The following ZMYM4 variants were observed in gnomAD, a reference collection of about 807,000 sequenced individuals.
ZMYM4 encodes the protein zinc finger MYM-type protein 4.
A neutral mutation model predicts 183.2 loss-of-function variants in ZMYM4; 31 were observed. The observed-to-expected ratio is 0.17, with a 90% CI of 0.13 to 0.23. The LOEUF (loss-of-function observed/expected upper bound fraction) is 0.23, where lower values mean the gene tolerates loss of function less well. Among genes scored for constraint, ZMYM4 ranks in the 10% least tolerant of loss-of-function variants. ZMYM4 has a pLI of 1.00. For synonymous variants in ZMYM4, 592 were observed against 631.2 expected (o/e 0.94, Z 0.93); for missense variants, 1,273 against 1,840.3 (o/e 0.69, Z 5.64).
intron 1 of ZMYM4, among the ~76,000 whole-genome samples, chr1:35,269,927 GAAGT>G (rs1273458767): frequency 6.6e-6 from 1 of 152,174 alleles, no homozygotes; most frequent in Admixed American, 6.5e-5. Flanking sequence ...AGCATGATAA[GAAGT>G]AAGTTTCCTT....
chr1:35,365,527 G>A (rs1644055097), intron 5 of ZMYM4, among the ~76,000 whole-genome samples: 1 of 152,034 alleles, frequency 6.6e-6, no homozygotes, highest in Non-Finnish European at 1.5e-5. Flanking sequence ...TGAACTAATT[G>A]TCATAATAGT....
intron 1 of ZMYM4, among the ~76,000 whole-genome samples, chr1:35,308,728 G>T (rs1044073914): frequency 6.6e-6 from 1 of 152,100 alleles, no homozygotes; most frequent in Admixed American, 6.6e-5. Context: ...GGGCATGGTG[G>T]CGCATGCCTG....
At chr1:35,409,558 C>G (rs1436140143) in intron 26 of ZMYM4, among the ~76,000 whole-genome samples, 3 of 151,640 alleles carry the variant, frequency 2.0e-5, no homozygotes, top group African/African-American at 7.3e-5. Flanking sequence ...ACTTTTTGAC[C>G]ATGTGTATAC....
Position 35,358,977 on chromosome 1 carries a change from T to G in ZMYM4, c.138T>G (p.Thr46=), listed in dbSNP as rs746887184. The G allele has an allele frequency of 6.2e-7, 1 of 1,613,724 alleles. No homozygotes were observed. Among genetic ancestry groups the G allele is most frequent in the Non-Finnish European group, 8.5e-7 (1 of 1,179,714 alleles). ...EMSEDIDHNL[T]PTLDSMSYGM... is the part of the protein sequence containing the mutation. ...CTGAAGATATAGACCACAACTTAAC[T>G]CCTACCCTTGACAGCATGTCTTATG... The change falls in exon 3 of 30, where the codon ACT becomes ACG. Residue 46 remains threonine, a synonymous_variant. Transcript: ENST00000314607.
chr1:35,366,271 A>AT (rs2148923935), intron 5 of ZMYM4, among the ~76,000 whole-genome samples: 1 of 152,252 alleles, frequency 6.6e-6, no homozygotes, highest in Non-Finnish European at 1.5e-5. Flanking sequence ...CTTAGAATAG[A>AT]TTTTTTCTTG....
At chr1:35,316,068 G>A (rs1642033453) in intron 1 of ZMYM4, among the ~76,000 whole-genome samples, 2 of 152,240 alleles carry the variant, frequency 1.3e-5, no homozygotes, top group South Asian at 4.2e-4. Context: ...CAAGTTTTTA[G>A]TTTATGCCTA....
chr1:35,314,798 G>T (rs1220994485), intron 1 of ZMYM4, among the ~76,000 whole-genome samples: 1 of 148,936 alleles, frequency 6.7e-6, no homozygotes, highest in Non-Finnish European at 1.5e-5. Flanking sequence ...GCTGAGGCGG[G>T]CGTATCACCT....
chr1:35,405,565 A>G (rs1361242367), intron 25 of ZMYM4, 97 bp downstream of exon 25: 2 of 987,724 alleles, frequency 2.0e-6, no homozygotes, highest in African/African-American at 1.7e-5. Flanking sequence ...TAAAATTTAG[A>G]GTATTAAGGT....
chr1:35,406,707 G>C (rs1035898270), intron 25 of ZMYM4, among the ~76,000 whole-genome samples: 1 of 152,126 alleles, frequency 6.6e-6, no homozygotes, highest in Non-Finnish European at 1.5e-5. Flanking sequence ...CTAGGTACTA[G>C]GGTGAAAAAG....
At chr1:35,398,769 C>A in intron 21 of ZMYM4, 95 bp from the exon 22 acceptor site, 1 of 1,283,778 alleles carries the variant, frequency 7.8e-7, no homozygotes, top group Non-Finnish European at 1.1e-6. Context: ...AACCGTATCT[C>A]ATTTTTTGGT....
intron 1 of ZMYM4, among the ~76,000 whole-genome samples, chr1:35,320,839 T>C (rs557192612): frequency 6.6e-6 from 1 of 152,340 alleles, no homozygotes; most frequent in South Asian, 2.1e-4. Flanking sequence ...AATCTTTTGT[T>C]TGTTTTTTTC....
rs553063983 is a variant in ZMYM4, at chr1:35,392,091, A to T, written c.2588-121A>T. 1.0e-5 allele frequency: 13 copies of T among 1,300,356 alleles called. No individual in the cohort carries two copies. The East Asian group carries it at 3.2e-4, about 32-fold the overall frequency. The allele number at this position is 1,300,356 out of a possible 1,614,324, so 80.6% of individuals were successfully genotyped here. On this transcript the variant is annotated intron_variant, in intron 15 of 29. Transcript: ENST00000314607. ...CCAAAACCCAGTTAATCCTAAAGTG[A>T]CTTTTTGCTCCAACAGAAATTACTC...
intron 26 of ZMYM4, among the ~76,000 whole-genome samples, chr1:35,413,763 G>C (rs1196401385): frequency 6.6e-6 from 1 of 152,190 alleles, no homozygotes; most frequent in Non-Finnish European, 1.5e-5. Flanking sequence ...TGCAAGGTCA[G>C]TGCTGAAGAT....
chr1:35,368,061 G>GCCCCCCCCC (rs376935993), intron 5 of ZMYM4, among the ~76,000 whole-genome samples: 4 of 98,286 alleles, frequency 4.1e-5, no homozygotes, highest in African/African-American at 8.1e-5. Context: ...CAAATCCAGC[G>GCCCCCCCCC]CCCCCCCCCC....
intron 2 of ZMYM4, among the ~76,000 whole-genome samples, chr1:35,351,825 A>T (rs1643617391): frequency 6.6e-6 from 1 of 152,262 alleles, no homozygotes; most frequent in African/African-American, 2.4e-5. Flanking sequence ...AATTATCAGT[A>T]TACTGCTAAA....
In ZMYM4 at chr1:35,396,564, G is replaced by A; in HGVS notation, c.2924G>A (p.Ser975Asn). The stretch of plus-strand genomic sequence containing the variant: ...TTGTTACTGTTAGAAGACACTCCAA[G>A]TCAGCCCCAGATTATTGTGGTGCCA... ...NKECQTEDTP[S>N]QPQIIVVPVP... The change falls in exon 19 of 30, where the codon AGT (serine) becomes AAT (asparagine). Residue 975 changes from serine to asparagine, a missense_variant. By Grantham distance (46) the Ser-to-Asn change is conservative (BLOSUM62 1). Coordinates refer to ENST00000314607, the MANE Select transcript of ZMYM4 (RefSeq NM_005095.3). The A allele has an allele frequency of 6.2e-7, 1 of 1,613,722 alleles. No individual in the cohort carries two copies. Among genetic ancestry groups the A allele is most frequent in the Non-Finnish European group, 8.5e-7 (1 of 1,179,758 alleles).
At chr1:35,312,462 G>T (rs1164360093) in intron 1 of ZMYM4, among the ~76,000 whole-genome samples, 2 of 151,810 alleles carry the variant, frequency 1.3e-5, no homozygotes, top group East Asian at 1.9e-4. Flanking sequence ...AAGTACATTC[G>T]CATTGTTGTG....
At chr1:35,370,697 T>G (rs1644185494) in intron 7 of ZMYM4, 70 bp downstream of exon 7, 4 of 1,364,416 alleles carry the variant, frequency 2.9e-6, no homozygotes, top group Non-Finnish European at 3.8e-6. Flanking sequence ...TCTTAGGTCA[T>G]GTATTACATT....
intron 1 of ZMYM4, among the ~76,000 whole-genome samples, chr1:35,269,319 C>A (rs988132723): frequency 2.0e-5 from 3 of 152,036 alleles, no homozygotes; most frequent in Non-Finnish European, 4.4e-5. Context: ...TTGCCTTCCT[C>A]CCCCCGACGT....
Sources: gnomAD v4.1 joint callset for allele counts (sites outside exome capture counted in the v4.1 genomes callset) on GRCh38, gnomAD v4.1.1 for gene constraint, MANE v1.5 for transcripts, NCBI Gene and HGNC (gene_info 2026-07-23, HGNC 2026-07-21) for gene names.